Variants in MCC observed in about 807,000 individuals in gnomAD.
MCC encodes the protein colorectal mutant cancer protein.
A neutral mutation model predicts 116.2 loss-of-function variants in MCC; 90 were observed. The observed-to-expected ratio is 0.77, with a 90% CI of 0.65 to 0.92. MCC has a LOEUF of 0.92. MCC is among the 40% of genes least tolerant of loss of function. The pLI, the probability that MCC is intolerant of heterozygous loss-of-function variation, is 0.00. For missense variants in MCC, 1,516 were observed against 1,312.2 expected, an observed-to-expected ratio of 1.16 and a Z score of -2.40; for synonymous variants, 578 against 510.5, an observed-to-expected ratio of 1.13 and a Z score of -1.78.
intron 3 of MCC, among the ~76,000 whole-genome samples, chr5:113,206,986 C>A (rs1762940901): frequency 6.6e-6 from 1 of 152,130 alleles, no homozygotes. Flanking sequence ...CAGTTCTTCC[C>A]AACACTATCT....
intron 14 of MCC, among the ~76,000 whole-genome samples, chr5:113,057,507 T>G (rs930314028): frequency 1.9e-5 from 2 of 107,030 alleles, no homozygotes. Flanking sequence ...ATTTTAAAAA[T>G]GAGAGGGGAG....
chr5:113,366,612 C>CT (rs1207478886), intron 2 of MCC, among the ~76,000 whole-genome samples: 1 of 152,102 alleles, frequency 6.6e-6, no homozygotes, highest in African/African-American at 2.4e-5. Context: ...AATTTGTCTT[C>CT]TGTTCCCAGA....
chr5:113,344,251 GAGGGGAATTGCCC>G (rs1768081647), intron 2 of MCC, among the ~76,000 whole-genome samples: 2 of 152,206 alleles, frequency 1.3e-5, no homozygotes, highest in South Asian at 4.1e-4. Context: ...GCCCTAGCCA[GAGGGGAATTGCCC>G]ATCCCAGCAG....
intron 6 of MCC, among the ~76,000 whole-genome samples, chr5:113,107,300 C>T (rs1318056436): frequency 6.6e-6 from 1 of 151,448 alleles, no homozygotes; most frequent in East Asian, 1.9e-4. Context: ...TCACTGCAAC[C>T]TCCACCTCCC....
At chr5:113,121,832 C>G (rs1364977233) in intron 6 of MCC, among the ~76,000 whole-genome samples, 1 of 150,830 alleles carries the variant, frequency 6.6e-6, no homozygotes, top group African/African-American at 2.5e-5. Flanking sequence ...ATATGCTGCT[C>G]CTCCCTCTTT....
At chr5:113,245,085 A>G (rs944078594) in intron 3 of MCC, among the ~76,000 whole-genome samples, 19 of 152,278 alleles carry the variant, frequency 1.2e-4, no homozygotes, top group African/African-American at 4.3e-4. Flanking sequence ...TGAGGTCAGG[A>G]GTTTGAGACC....
chr5:113,210,406 C>G (rs1167328582), intron 3 of MCC, among the ~76,000 whole-genome samples: 1 of 7,788 alleles, frequency 1.3e-4, no homozygotes, highest in Non-Finnish European at 4.9e-4. Context: ...CTGTTTTAGT[C>G]TGGAATATAA....
intron 3 of MCC, among the ~76,000 whole-genome samples, chr5:113,300,367 C>A (rs1766832794): frequency 6.6e-6 from 1 of 152,126 alleles, no homozygotes; most frequent in Non-Finnish European, 1.5e-5. Context: ...AAAATTGTCC[C>A]CTTCTCCATT....
chr5:113,093,316 T>A (rs1755772205), intron 8 of MCC, among the ~76,000 whole-genome samples: 1 of 152,140 alleles, frequency 6.6e-6, no homozygotes, highest in South Asian at 2.1e-4. Flanking sequence ...GCACCTGTAG[T>A]CCCAGCTACT....
chr5:113,172,551 C>T (rs1183497066), intron 3 of MCC, among the ~76,000 whole-genome samples: 1 of 152,182 alleles, frequency 6.6e-6, no homozygotes, highest in South Asian at 2.1e-4. Context: ...TCTTTCCCCA[C>T]CTCTTACACA....
At chr5:113,095,701 T>C (rs915632117) in intron 8 of MCC, among the ~76,000 whole-genome samples, 1 of 142,548 alleles carries the variant, frequency 7.0e-6, no homozygotes, top group Admixed American at 6.8e-5. Flanking sequence ...AAAAAAAAAA[T>C]TTTTTTTTTG....
At chr5:113,134,855 A>G (rs1287050903) in intron 5 of MCC, among the ~76,000 whole-genome samples, 26 of 151,820 alleles carry the variant, frequency 1.7e-4, no homozygotes, top group Admixed American at 1.6e-3. Context: ...CTTCCAATCC[A>G]TAAGCATGGG....
intron 1 of MCC, among the ~76,000 whole-genome samples, chr5:113,447,328 G>A (rs1374541237): frequency 2.6e-5 from 4 of 152,164 alleles, no homozygotes; most frequent in Non-Finnish European, 5.9e-5. Context: ...GCTGCATTTG[G>A]AGTATAAATT....
intron 1 of MCC, among the ~76,000 whole-genome samples, chr5:113,416,360 A>C (rs886499808): frequency 2.6e-5 from 4 of 152,142 alleles, no homozygotes; most frequent in African/African-American, 9.7e-5. Context: ...TTGAGGTTGT[A>C]GTGTGCTATG....
intron 3 of MCC, among the ~76,000 whole-genome samples, chr5:113,174,264 C>T (rs1761216695): frequency 6.6e-6 from 1 of 152,144 alleles, no homozygotes; most frequent in Admixed American, 6.5e-5. Context: ...TTCTTCCTGG[C>T]TCCTTGGTAA....
At chr5:113,447,081 T>C (rs975719050) in intron 1 of MCC, among the ~76,000 whole-genome samples, 6 of 152,192 alleles carry the variant, frequency 3.9e-5, no homozygotes, top group African/African-American at 1.4e-4. Flanking sequence ...ACGTGTGGGT[T>C]TGGGAGGTAG....
chr5:113,092,558 T>G (rs1755714782), intron 8 of MCC, among the ~76,000 whole-genome samples: 1 of 152,106 alleles, frequency 6.6e-6, no homozygotes, highest in East Asian at 1.9e-4. Flanking sequence ...TTATCAAGAG[T>G]GTGGGCAAAA....
rs548772916 is a variant in MCC at position 113,373,323 on chromosome 5, A to T, written c.415+11645T>A. Among the ~76,000 whole-genome samples the T allele has an allele frequency of 1.5e-3, 225 of 152,270 alleles. 1 individual carries two copies. Among genetic ancestry groups the T allele is most frequent in the African/African-American group, 5.2e-3 (216 of 41,584 alleles). On this transcript the variant is annotated intron_variant, in intron 2 of 18. Coordinates refer to ENST00000408903, the MANE Select transcript of MCC (RefSeq NM_001085377.2). Reference sequence around the variant, plus strand: ...TACTCTGAAAAGACACACATATAAAATATGTTTCTAAAATATTCTAAAAAA... The same window carrying T: ...TACTCTGAAAAGACACACATATAAATTATGTTTCTAAAATATTCTAAAAAA...
At chr5:113,067,019 T>A (rs1753658656) in intron 13 of MCC, among the ~76,000 whole-genome samples, 2 of 152,220 alleles carry the variant, frequency 1.3e-5, no homozygotes, top group African/African-American at 2.4e-5. Context: ...TAGCACTGTT[T>A]CTACTGCAGT....
Sources: allele counts gnomAD v4.1 joint callset (sites outside exome capture counted in the v4.1 genomes callset), GRCh38; gene constraint gnomAD v4.1.1; transcripts MANE v1.5; gene names NCBI Gene and HGNC (gene_info 2026-07-23, HGNC 2026-07-21).